The following TRPM6 variants were observed in gnomAD, a reference collection of about 807,000 sequenced individuals.
TRPM6 encodes the protein channel kinase 2.
TRPM6 carries 111 observed loss-of-function variants against 247.6 expected under a neutral mutation model. The ratio of observed to expected loss-of-function variants is 0.45; its 90% CI spans 0.38 to 0.52. The LOEUF is 0.52. TRPM6 is among the 20% of genes least tolerant of loss of function. The pLI is 0.00. For synonymous variants in TRPM6, 892 were observed against 853.8 expected, an observed-to-expected ratio of 1.04 and a Z score of -0.78; for missense variants, 2,126 against 2,421.5, an observed-to-expected ratio of 0.88 and a Z score of 2.56.
intron 18 of TRPM6, among the ~76,000 whole-genome samples, chr9:74,796,300 T>C (rs1036130869): frequency 2.0e-5 from 3 of 152,230 alleles, no homozygotes; most frequent in African/African-American, 7.2e-5. Context: ...GATATTCTGA[T>C]TGTAAGCCCC....
intron 1 of TRPM6, among the ~76,000 whole-genome samples, chr9:74,866,953 T>C (rs1306470173): frequency 1.3e-5 from 2 of 152,362 alleles, no homozygotes; most frequent in African/African-American, 2.4e-5. Flanking sequence ...AATATTTACT[T>C]ATTAGTTCAT....
intron 1 of TRPM6, among the ~76,000 whole-genome samples, chr9:74,870,036 G>T (rs1403932537): frequency 6.6e-6 from 1 of 152,100 alleles, no homozygotes; most frequent in Non-Finnish European, 1.5e-5. Flanking sequence ...AGAAAGGATG[G>T]TAGGAAACAC....
At chr9:74,765,025 A>G (rs1298946972) in intron 25 of TRPM6, among the ~76,000 whole-genome samples, 1 of 152,198 alleles carries the variant, frequency 6.6e-6, no homozygotes, top group Non-Finnish European at 1.5e-5. Flanking sequence ...TTAAAAAAAG[A>G]AAAAGTGAAA....
At chr9:74,742,717 TATTTA>T in intron 32 of TRPM6, 91 bp from the exon 33 acceptor site, 1 of 1,104,884 alleles carries the variant, frequency 9.1e-7, no homozygotes, top group Non-Finnish European at 1.4e-6. Context: ...CATATAATGC[TATTTA>T]ATTTCAAAGA....
chr9:74,824,688 T>C (rs920442887), intron 7 of TRPM6, among the ~76,000 whole-genome samples: 6 of 152,230 alleles, frequency 3.9e-5, no homozygotes, highest in Admixed American at 3.9e-4. Flanking sequence ...AATTAAAAGT[T>C]CCTAGAACAG....
chr9:74,726,902 G>C (rs982562364), intron 38 of TRPM6, among the ~76,000 whole-genome samples: 4 of 152,204 alleles, frequency 2.6e-5, no homozygotes, highest in African/African-American at 9.7e-5. Flanking sequence ...CCAGTGGGCA[G>C]CTTGGCTGTG....
chr9:74,800,516 G>A, intron 16 of TRPM6, 34 bp from the exon 17 acceptor site: 1 of 1,440,428 alleles, frequency 6.9e-7, no homozygotes, highest in Admixed American at 1.7e-5. Context: ...GAAAACAAAG[G>A]CAGGTGAGAG....
At chr9:74,821,447 T>C (rs1829125162) in intron 8 of TRPM6, among the ~76,000 whole-genome samples, 2 of 152,150 alleles carry the variant, frequency 1.3e-5, no homozygotes, top group Admixed American at 1.3e-4. Flanking sequence ...AGACTCAAGC[T>C]TCCCTTTAAA....
intron 21 of TRPM6, among the ~76,000 whole-genome samples, chr9:74,784,341 G>A (rs2118935667): frequency 6.6e-6 from 1 of 152,122 alleles, no homozygotes; most frequent in East Asian, 1.9e-4. Flanking sequence ...GTGACAGACT[G>A]GAGCTAGGTG....
intron 25 of TRPM6, among the ~76,000 whole-genome samples, chr9:74,769,717 C>CGTG (rs757269509): frequency 8.4e-5 from 12 of 142,808 alleles, no homozygotes; most frequent in Non-Finnish European, 1.3e-4. Context: ...AAGATCACGC[C>CGTG]GTGGCACTCC....
At chr9:74,818,557 C>T (rs1306836393) in intron 9 of TRPM6, among the ~76,000 whole-genome samples, 2 of 152,086 alleles carry the variant, frequency 1.3e-5, no homozygotes, top group Non-Finnish European at 2.9e-5. Flanking sequence ...CCCACTTCGG[C>T]CTCCCAAAGT....
intron 29 of TRPM6, 62 bp from the exon 30 acceptor site, chr9:74,750,784 G>A: frequency 6.9e-7 from 1 of 1,446,084 alleles, no homozygotes; most frequent in Non-Finnish European, 9.7e-7. Flanking sequence ...AAGTTTCTAG[G>A]AATGATCTGC....
At chr9:74,875,055 A>G (rs530542704) in intron 1 of TRPM6, among the ~76,000 whole-genome samples, 1 of 152,104 alleles carries the variant, frequency 6.6e-6, no homozygotes, top group African/African-American at 2.4e-5. Flanking sequence ...ATAAGCCACC[A>G]TGCCTGGCCT....
intron 9 of TRPM6, 90 bp downstream of exon 9, chr9:74,820,214 A>T: frequency 6.9e-7 from 1 of 1,441,582 alleles, no homozygotes; most frequent in Non-Finnish European, 9.6e-7. Flanking sequence ...TGTGTCCACC[A>T]TGTTTTTTTT....
At chr9:74,831,833 A>C (rs1368137342) in intron 6 of TRPM6, among the ~76,000 whole-genome samples, 1 of 152,236 alleles carries the variant, frequency 6.6e-6, no homozygotes, top group Non-Finnish European at 1.5e-5. Context: ...GCATTTATTC[A>C]GCCCTTCCTA....
intron 1 of TRPM6, among the ~76,000 whole-genome samples, chr9:74,865,497 T>A (rs747682412): frequency 6.6e-6 from 1 of 152,232 alleles, no homozygotes; most frequent in Non-Finnish European, 1.5e-5. Context: ...TGTCCCTCGA[T>A]AGTAAAATAC....
intron 27 of TRPM6, among the ~76,000 whole-genome samples, chr9:74,755,992 T>C (rs1826418012): frequency 6.6e-6 from 1 of 152,174 alleles, no homozygotes; most frequent in Non-Finnish European, 1.5e-5. Flanking sequence ...ATTACTAAAA[T>C]AATAGATAGC....
chr9:74,887,232 G>A, intron 1 of TRPM6: 1 of 1,273,136 alleles, frequency 7.9e-7, no homozygotes, highest in Non-Finnish European at 9.9e-7. Flanking sequence ...GGTGTTTACC[G>A]TAACCGGCGC....
At chr9:74,748,916 C>T (rs1013252196) in intron 30 of TRPM6, among the ~76,000 whole-genome samples, 1 of 152,154 alleles carries the variant, frequency 6.6e-6, no homozygotes, top group Non-Finnish European at 1.5e-5. Context: ...CACTCTGACA[C>T]CCAGAGCAAG....
Sources: gnomAD v4.1 joint callset for allele counts (sites outside exome capture counted in the v4.1 genomes callset) on GRCh38, gnomAD v4.1.1 for gene constraint, MANE v1.5 for transcripts, NCBI Gene and HGNC (gene_info 2026-07-23, HGNC 2026-07-21) for gene names.